The following ZNF407 variants were observed in gnomAD, a reference collection of about 807,000 sequenced individuals.
ZNF407 encodes zinc finger protein 407.
ZNF407 carries 17 observed loss-of-function variants against 131.2 expected under a neutral mutation model. That is an observed-to-expected ratio of 0.13 (90% CI 0.09 to 0.19). The LOEUF (loss-of-function observed/expected upper bound fraction) is 0.19. Among genes scored for constraint, ZNF407 ranks in the 10% least tolerant of loss-of-function variants. The pLI is 1.00. For missense variants in ZNF407, 2,681 were observed against 2,830.6 expected, an observed-to-expected ratio of 0.95 and a Z score of 1.20; for synonymous variants, 1,156 against 1,062.0, an observed-to-expected ratio of 1.09 and a Z score of -1.72.
intron 4 of ZNF407, among the ~76,000 whole-genome samples, chr18:74,818,074 G>A (rs1030503244): frequency 1.3e-5 from 2 of 152,200 alleles, no homozygotes; most frequent in African/African-American, 4.8e-5. Context: ...AAGTGTAAAT[G>A]TGTTGCACTA....
chr18:74,844,750 T>A (rs1466244558), intron 4 of ZNF407, among the ~76,000 whole-genome samples: 1 of 152,120 alleles, frequency 6.6e-6, no homozygotes, highest in Non-Finnish European at 1.5e-5. Flanking sequence ...GAAAACAAGA[T>A]AAAATGCTTT....
chr18:74,673,783 A>G (rs1248495351), intron 3 of ZNF407, among the ~76,000 whole-genome samples: 1 of 152,252 alleles, frequency 6.6e-6, no homozygotes, highest in African/African-American at 2.4e-5. Context: ...TGTAATTTAA[A>G]TATCTCTGCA....
intron 7 of ZNF407, among the ~76,000 whole-genome samples, chr18:74,899,696 CAG>C (rs1335727589): frequency 1.3e-5 from 2 of 152,134 alleles, no homozygotes; most frequent in African/African-American, 2.4e-5. Flanking sequence ...GGCTCACAGA[CAG>C]GGGAGGGACC....
chr18:74,698,254 A>G (rs1967406616), intron 3 of ZNF407, among the ~76,000 whole-genome samples: 1 of 152,240 alleles, frequency 6.6e-6, no homozygotes, highest in African/African-American at 2.4e-5. Flanking sequence ...TTAAGAAAAT[A>G]TGAGCCATTT....
At chr18:74,658,140 C>A (rs1985557102) in intron 3 of ZNF407, among the ~76,000 whole-genome samples, 1 of 149,470 alleles carries the variant, frequency 6.7e-6, no homozygotes, top group South Asian at 2.1e-4. Flanking sequence ...TGAGACGGAG[C>A]CTCGCTCTGT....
At chr18:74,794,068 G>A (rs917593580) in intron 4 of ZNF407, among the ~76,000 whole-genome samples, 7 of 152,204 alleles carry the variant, frequency 4.6e-5, no homozygotes, top group Non-Finnish European at 1.0e-4. Context: ...ACATTGAGTC[G>A]AGAGAACTTT....
intron 1 of ZNF407, among the ~76,000 whole-genome samples, chr18:74,616,450 G>A (rs1191904643): frequency 1.3e-5 from 2 of 151,976 alleles, no homozygotes; most frequent in African/African-American, 2.4e-5. Context: ...TTTTATGGAG[G>A]TTTATATTCT....
chr18:75,039,256 G>A (rs1973344815), intron 8 of ZNF407, among the ~76,000 whole-genome samples: 1 of 152,172 alleles, frequency 6.6e-6, no homozygotes, highest in Non-Finnish European at 1.5e-5. Flanking sequence ...CGATGTGTCA[G>A]TTTACACTGA....
At chr18:74,909,569 A>G (rs1568265242) in intron 7 of ZNF407, among the ~76,000 whole-genome samples, 2 of 151,940 alleles carry the variant, frequency 1.3e-5, no homozygotes, top group Admixed American at 1.3e-4. Flanking sequence ...TGTAATTTTC[A>G]TTTTCTGCTT....
intron 3 of ZNF407, among the ~76,000 whole-genome samples, chr18:74,723,266 A>G (rs1023897497): frequency 6.6e-6 from 1 of 152,198 alleles, no homozygotes; most frequent in African/African-American, 2.4e-5. Context: ...TCCTTTTAAA[A>G]TAATGCCAGC....
chr18:74,760,383 A>G (rs1969067673), intron 3 of ZNF407, among the ~76,000 whole-genome samples: 1 of 152,152 alleles, frequency 6.6e-6, no homozygotes, highest in Non-Finnish European at 1.5e-5. Context: ...CTTCATTCAC[A>G]CAGCCCTGTG....
At chr18:75,021,450 T>G (rs1005989883) in intron 8 of ZNF407, among the ~76,000 whole-genome samples, 4 of 151,878 alleles carry the variant, frequency 2.6e-5, no homozygotes, top group Non-Finnish European at 5.9e-5. Flanking sequence ...TTTATTTTTT[T>G]TTAGAGACAG....
chr18:74,612,358 C>T (rs1983099686), intron 1 of ZNF407, among the ~76,000 whole-genome samples: 2 of 152,144 alleles, frequency 1.3e-5, no homozygotes, highest in Non-Finnish European at 2.9e-5. Context: ...ATTATCTGCA[C>T]TCAGGATTTT....
At chr18:74,722,849 C>T (rs904402697) in intron 3 of ZNF407, among the ~76,000 whole-genome samples, 2 of 152,136 alleles carry the variant, frequency 1.3e-5, no homozygotes, top group Non-Finnish European at 2.9e-5. Context: ...CAAACCTGCA[C>T]GTTTCTCAGT....
At chr18:74,897,743 A>C (rs1230370528) in intron 7 of ZNF407, among the ~76,000 whole-genome samples, 1 of 152,234 alleles carries the variant, frequency 6.6e-6, no homozygotes, top group African/African-American at 2.4e-5. Context: ...TTCCAGCAAT[A>C]GAAGCTCATA....
At chr18:74,733,590 A>AC (rs1968343628) in intron 3 of ZNF407, among the ~76,000 whole-genome samples, 1 of 152,170 alleles carries the variant, frequency 6.6e-6, no homozygotes, top group East Asian at 1.9e-4. Context: ...TCTAGTCAAG[A>AC]AGTATAAAGT....
At position 74,913,614 on chromosome 18, in the gene ZNF407, T is replaced by C. The variant is rs142893493; in HGVS notation, c.5250-6900T>C. Among the ~76,000 whole-genome samples, 141 of 152,348 alleles carry C rather than the reference T, an allele frequency of 9.3e-4. No homozygotes were observed. The Middle Eastern group carries it at 0.01, about 11-fold the overall frequency. On this transcript the variant is annotated intron_variant, in intron 7 of 8. Transcript: ENST00000299687. The stretch of plus-strand genomic sequence containing the variant: ...AAGATTGAGAAGAAGTTAGGGATTG[T>C]ACCTAGCTGGTCATCTGGGACACAG...
At chr18:74,903,189 C>T (rs1318084230) in intron 7 of ZNF407, among the ~76,000 whole-genome samples, 2 of 152,132 alleles carry the variant, frequency 1.3e-5, no homozygotes, top group East Asian at 3.9e-4. Flanking sequence ...CCAAGTGAAG[C>T]CAGCTTCCGG....
At chr18:74,599,454 T>C (rs377304781) in intron 1 of ZNF407, among the ~76,000 whole-genome samples, 4 of 152,236 alleles carry the variant, frequency 2.6e-5, no homozygotes, top group African/African-American at 4.8e-5. Flanking sequence ...AACACCCTTC[T>C]AGGTGTTGGA....
Sources: gnomAD v4.1 joint callset for allele counts (sites outside exome capture counted in the v4.1 genomes callset) on GRCh38, gnomAD v4.1.1 for gene constraint, MANE v1.5 for transcripts, NCBI Gene and HGNC (gene_info 2026-07-23, HGNC 2026-07-21) for gene names.